Variants in CEP290 observed in about 807,000 individuals in gnomAD.
The protein encoded by CEP290 is centrosomal protein 290, also known as centrosomal protein of 290 kDa.
CEP290 carries 317 observed loss-of-function variants against 344.9 expected under a neutral mutation model. The observed-to-expected ratio is 0.92, with a 90% CI of 0.84 to 1.01. The LOEUF (loss-of-function observed/expected upper bound fraction) is 1.01, where lower values mean the gene tolerates loss of function less well. Ranked by LOEUF, CEP290 falls within the 50% of genes least tolerant of loss-of-function variation. The pLI is 0.00. For missense variants in CEP290, 2,754 were observed against 2,761.4 expected (o/e 1.00, Z 0.06); for synonymous variants, 932 against 895.8 (o/e 1.04, Z -0.72).
intron 32 of CEP290, among the ~76,000 whole-genome samples, chr12:88,086,704 T>TACCCATCCATCCATCCATCC (rs2036603326): frequency 6.7e-6 from 1 of 149,078 alleles, no homozygotes; most frequent in South Asian, 2.2e-4. Context: ...GATTTCAGTC[T>TACCCATCCATCCATCCATCC]ATCCATCCAT....
chr12:88,071,727 A>G (rs1398292381), intron 42 of CEP290, 54 bp downstream of exon 42: 82 of 1,343,116 alleles, frequency 6.1e-5, no homozygotes, highest in Admixed American at 2.8e-5. Flanking sequence ...TATAATTTCC[A>G]GGTCACTAAA....
In CEP290 at chr12:88,075,634, G is replaced by A. The variant is rs537221990; in HGVS notation, c.5709+1588C>T. Among the ~76,000 whole-genome samples, 46 of 152,154 alleles carry A rather than the reference G, an allele frequency of 3.0e-4. No individual in the cohort carries two copies. In the South Asian group the frequency reaches 9.1e-3, roughly 30 times the overall value. ...TAAGGAGAATGAAATGCAAGGCACA[G>A]GGGTGGGTTTTGTTACATAGGTAGA... On this transcript the variant is annotated intron_variant, in intron 41 of 53. Coordinates refer to ENST00000552810, the MANE Select transcript of CEP290 (RefSeq NM_025114.4).
intron 15 of CEP290, 49 bp downstream of exon 15, chr12:88,120,065 G>A: frequency 2.5e-6 from 3 of 1,202,562 alleles, no homozygotes; most frequent in South Asian, 2.2e-5. Context: ...TAAAAAAAAA[G>A]ACTTGTAAAT....
chr12:88,077,815 T>C lies in CEP290; in HGVS notation c.5468A>G (p.Asn1823Ser), dbSNP rs769247579. 1 of 1,537,674 alleles carries C rather than the reference T, an allele frequency of 6.5e-7. No individual in the cohort carries two copies. Among genetic ancestry groups the C allele is most frequent in the Non-Finnish European group, 8.9e-7 (1 of 1,123,892 alleles). Residue 1823 changes from asparagine to serine, a missense_variant, in exon 40 of 54, where the codon AAT becomes AGT. By Grantham distance (46) the Asn-to-Ser change is conservative. Transcript: ENST00000552810. ...NSLTDNLNDL[N>S]NELQKKQKAY... ...TTTTTGTTTCTTTTGCAGTTCATTA[T>C]TTAAGTCATTCAAATTATCAGTTAG...
intron 26 of CEP290, among the ~76,000 whole-genome samples, chr12:88,100,523 T>A (rs528596184): frequency 4.6e-5 from 7 of 152,320 alleles, no homozygotes; most frequent in Admixed American, 3.9e-4. Flanking sequence ...ACATGCACTG[T>A]GGCTCTCCAC....
intron 43 of CEP290, 132 bp from the exon 44 acceptor site, chr12:88,068,777 T>A: frequency 1.2e-6 from 1 of 829,304 alleles, no homozygotes; most frequent in Non-Finnish European, 1.8e-6. Flanking sequence ...TCTTCAAACC[T>A]TCTAAACTTT....
chr12:88,059,819 A>C, intron 48 of CEP290, 79 bp downstream of exon 48: 1 of 1,200,092 alleles, frequency 8.3e-7, no homozygotes, highest in South Asian at 1.6e-5. Flanking sequence ...CACTCTCATC[A>C]AGGATCTACT....
At chr12:88,049,726 A>G (rs1416153613) in intron 53 of CEP290, 3 of 182,238 alleles carry the variant, frequency 1.6e-5, no homozygotes, top group Admixed American at 6.3e-5. Flanking sequence ...CAATCAATCA[A>G]AAAGATTTTG....
In CEP290 at chr12:88,068,588, T is replaced by C. The variant is rs772038500; in HGVS notation, c.6069A>G (p.Arg2023=). Residue 2023 remains arginine, a synonymous_variant, in exon 44 of 54, where the codon AGA becomes AGG. Coordinates refer to ENST00000552810, the MANE Select transcript of CEP290 (RefSeq NM_025114.4). ...SVVEDLHLQN[R]YLQEKLHALE... is the part of the protein sequence containing the mutation. ...AAGCATGAAGTTTTTCTTGGAGGTATCTATTTTGTAAATGTAAATCTTCTA... is the reference window on the plus strand; with the variant it reads ...AAGCATGAAGTTTTTCTTGGAGGTACCTATTTTGTAAATGTAAATCTTCTA... The C allele has an allele frequency of 3.8e-6, 6 of 1,590,604 alleles. No individual in the cohort carries two copies. In the Admixed American group the frequency reaches 9.0e-5, roughly 24 times the overall value.
At chr12:88,133,748 T>G (rs2040208941) in intron 6 of CEP290, among the ~76,000 whole-genome samples, 1 of 152,174 alleles carries the variant, frequency 6.6e-6, no homozygotes, top group Admixed American at 6.5e-5. Flanking sequence ...AAGTTTATAA[T>G]AAAATGCAAA....
At chr12:88,105,028 G>A (rs1445349000) in intron 25 of CEP290, among the ~76,000 whole-genome samples, 3 of 152,104 alleles carry the variant, frequency 2.0e-5, no homozygotes, top group African/African-American at 7.2e-5. Context: ...GAGACTAGTG[G>A]CAATGATACT....
chr12:88,080,065 C>T, intron 38 of CEP290, 117 bp downstream of exon 38: 5 of 720,330 alleles, frequency 6.9e-6, no homozygotes, highest in Non-Finnish European at 1.1e-5. Context: ...AAAGCTCATA[C>T]TTTTTATTAC....
chr12:88,105,221 A>G (rs1025578522), intron 25 of CEP290, among the ~76,000 whole-genome samples: 1 of 152,196 alleles, frequency 6.6e-6, no homozygotes, highest in Non-Finnish European at 1.5e-5. Flanking sequence ...AAGACTAATG[A>G]ATTTTTGTCA....
At chr12:88,084,536 GC>G in intron 35 of CEP290, 49 bp downstream of exon 35, 2 of 1,356,880 alleles carry the variant, frequency 1.5e-6, no homozygotes, top group Non-Finnish European at 2.0e-6. Context: ...TTTAGCATTT[GC>G]TTAAAAAAAC....
rs1450189463 is a variant in CEP290 at position 88,093,897 on chromosome 12, ATAGT to A, written c.3178_3181del (p.Thr1060CysfsTer4). On this transcript the variant is annotated frameshift_variant, in exon 28 of 54. Transcript: ENST00000552810. LOFTEE classifies it high-confidence loss of function. ...TTCATTTAATTCCTTCATTTCCAGC[ATAGT>A]TATTTTTTTTGAAATGGAAACAATG... 1.2e-6 allele frequency: 2 copies of A among 1,612,628 alleles called. No individual in the cohort carries two copies. The highest frequency in any genetic ancestry group is 1.7e-6 in the Non-Finnish European group (2 of 1,179,328).
chr12:88,054,459 T>G (rs1379921856), intron 50 of CEP290, 46 bp from the exon 51 acceptor site: 15 of 1,360,910 alleles, frequency 1.1e-5, no homozygotes, highest in African/African-American at 1.5e-5. Context: ...GCCATGGAAA[T>G]ATGAGGATTT....
intron 25 of CEP290, among the ~76,000 whole-genome samples, chr12:88,105,575 G>A (rs1346962991): frequency 6.6e-6 from 1 of 152,140 alleles, no homozygotes; most frequent in East Asian, 1.9e-4. Flanking sequence ...AAATTATGAT[G>A]TTTGCAACTT....
At position 88,111,759 on chromosome 12, in the gene CEP290, C is replaced by G; in HGVS notation, c.2152G>C (p.Glu718Gln). The change falls in exon 21 of 54, where the codon GAG (glutamate) becomes CAG (glutamine). Residue 718 changes from glutamate to glutamine, a missense_variant. By Grantham distance (29) the Glu-to-Gln change is conservative. Transcript: ENST00000552810. ...LTGRNEELRQ[E>Q]LRESRKEAIN... ...GCCTCTTTCCGAGATTCCCTGAGCT[C>G]CTGTCTTAATTCTTCATTTCTTCCG... The G allele has an allele frequency of 6.2e-7, 1 of 1,605,112 alleles. No homozygotes were observed. The highest frequency in any genetic ancestry group is 8.5e-7 in the Non-Finnish European group (1 of 1,176,522).
chr12:88,105,727 T>A (rs949201592), intron 25 of CEP290, among the ~76,000 whole-genome samples: 1 of 152,030 alleles, frequency 6.6e-6, no homozygotes. Flanking sequence ...TCTTTTCTTC[T>A]TCTTCTTCTT....
Sources: allele counts gnomAD v4.1 joint callset (sites outside exome capture counted in the v4.1 genomes callset), GRCh38; gene constraint gnomAD v4.1.1; transcripts MANE v1.5; gene names NCBI Gene and HGNC (gene_info 2026-07-23, HGNC 2026-07-21).